The following NDFIP2 variants were observed in gnomAD, a reference collection of about 807,000 sequenced individuals.
The protein encoded by NDFIP2 is NEDD4 family-interacting protein 2.
In NDFIP2, 19 loss-of-function variants were observed where a neutral mutation model predicts 36.0. The observed-to-expected ratio is 0.53, with a 90% CI of 0.37 to 0.77. The LOEUF is 0.77. Among genes scored for constraint, NDFIP2 ranks in the 30% least tolerant of loss-of-function variants. The pLI is 0.00. For missense variants in NDFIP2, 446 were observed against 435.8 expected, an observed-to-expected ratio of 1.02 and a Z score of -0.21; for synonymous variants, 181 against 167.7, an observed-to-expected ratio of 1.08 and a Z score of -0.61.
chr13:79,500,475 A>G (rs1335484054), intron 1 of NDFIP2, among the ~76,000 whole-genome samples: 1 of 152,046 alleles, frequency 6.6e-6, no homozygotes. Context: ...CAAAATATAC[A>G]AAGAATTCTC....
chr13:79,521,288 A>G (rs1279683431), intron 2 of NDFIP2, among the ~76,000 whole-genome samples: 9 of 152,166 alleles, frequency 5.9e-5, no homozygotes, highest in African/African-American at 2.2e-4. Flanking sequence ...ATTACTGAAT[A>G]CAAGGCAATA....
At chr13:79,531,727 AC>A (rs1223955940) in intron 2 of NDFIP2, among the ~76,000 whole-genome samples, 1 of 152,190 alleles carries the variant, frequency 6.6e-6, no homozygotes, top group African/African-American at 2.4e-5. Context: ...GAGAGTCAGC[AC>A]CTTGCTCTGA....
intron 1 of NDFIP2, among the ~76,000 whole-genome samples, chr13:79,488,783 G>A (rs1035662115): frequency 1.1e-4 from 17 of 152,126 alleles, no homozygotes; most frequent in African/African-American, 3.9e-4. Flanking sequence ...AGATAGATAA[G>A]TAAGCCTAAT....
intron 5 of NDFIP2, among the ~76,000 whole-genome samples, chr13:79,546,919 A>AT (rs1875703273): frequency 6.6e-6 from 1 of 152,150 alleles, no homozygotes; most frequent in African/African-American, 2.4e-5. Flanking sequence ...ACCATCCTGT[A>AT]TAAGCTGTAT....
chr13:79,555,788 C>T lies in NDFIP2; in HGVS notation c.*3275C>T, dbSNP rs952860297. On this transcript the variant is annotated 3_prime_UTR_variant, in exon 8 of 8. Coordinates refer to ENST00000218652, the MANE Select transcript of NDFIP2 (RefSeq NM_019080.3). ...TCATTATCATAGGAATGTCCTTGCC[C>T]ATATATAAAACATGCTGGCATGTAT... 2.0e-5 allele frequency: 3 copies of T among 151,928 alleles called. No homozygotes were observed. The highest frequency in any genetic ancestry group is 7.3e-5 in the African/African-American group (3 of 41,370). The allele number at this position is 151,928 out of a possible 1,614,324, so 9.4% of individuals were successfully genotyped here. A position where few individuals can be genotyped will look rare whatever the true frequency, so the allele number is the denominator to read the frequency against.
At chr13:79,528,450 A>G (rs1874884457) in intron 2 of NDFIP2, among the ~76,000 whole-genome samples, 2 of 152,126 alleles carry the variant, frequency 1.3e-5, no homozygotes, top group South Asian at 4.1e-4. Flanking sequence ...GAAGGAAGAA[A>G]AATATTTTAA....
Position 79,481,201 on chromosome 13 carries a change from C to G in NDFIP2, c.-3C>G, listed in dbSNP as rs1208780740. Reference sequence around the variant, plus strand: ...CAGCTATACCCTCCCACTGGCGGCGCGGATGGCACGCCGGCGGAGCCAGCG... The same window carrying G: ...CAGCTATACCCTCCCACTGGCGGCGGGGATGGCACGCCGGCGGAGCCAGCG... On this transcript the variant is annotated 5_prime_UTR_variant, in exon 1 of 8. Coordinates refer to ENST00000218652, the MANE Select transcript of NDFIP2 (RefSeq NM_019080.3). The G allele has an allele frequency of 6.7e-7, 1 of 1,503,040 alleles. No individual in the cohort carries two copies. Among genetic ancestry groups the G allele is most frequent in the African/African-American group, 1.4e-5 (1 of 70,714 alleles). The allele number at this position is 1,503,040 out of a possible 1,614,324, so 93.1% of individuals were successfully genotyped here.
chr13:79,549,764 A>G (rs1235751313), intron 6 of NDFIP2, among the ~76,000 whole-genome samples: 1 of 151,882 alleles, frequency 6.6e-6, no homozygotes, highest in Non-Finnish European at 1.5e-5. Flanking sequence ...TTTTTCAATA[A>G]TATTTTTACA....
chr13:79,520,923 C>G lies in NDFIP2; in HGVS notation c.435C>G (p.Asp145Glu). 2 of 1,613,728 alleles carry G rather than the reference C, an allele frequency of 1.2e-6. No individual in the cohort carries two copies. The highest frequency in any genetic ancestry group is 8.5e-7 in the Non-Finnish European group (1 of 1,179,742). Residue 145 changes from aspartate to glutamate, a missense_variant, in exon 2 of 8, where the codon GAC becomes GAG. Coordinates refer to ENST00000218652, the MANE Select transcript of NDFIP2 (RefSeq NM_019080.3). ...CTTCAGCACCAGCACTTGAAACTGA[C>G]TCTTCCCCTCCACCATATAGTAGTA... ...AASSAPALET[D>E]SSPPPYSSIT... is the part of the protein sequence containing the mutation.
At chr13:79,537,013 G>C (rs1045862528) in intron 3 of NDFIP2, among the ~76,000 whole-genome samples, 3 of 151,860 alleles carry the variant, frequency 2.0e-5, no homozygotes, top group Non-Finnish European at 4.4e-5. Context: ...TTGTGCCACT[G>C]CACTCCAGCC....
rs1295048001 is a variant in NDFIP2 at position 79,505,628 on chromosome 13, TA to T, written c.322-15168del. Among the ~76,000 whole-genome samples the T allele has an allele frequency of 2.9e-3, 388 of 135,908 alleles. 1 individual carries two copies. Among genetic ancestry groups the T allele is most frequent in the Non-Finnish European group, 3.8e-3 (234 of 62,300 alleles). 89.2% of individuals were successfully genotyped at this position (135,908 alleles called of 152,430 possible). On this transcript the variant is annotated intron_variant, in intron 1 of 7. Transcript: ENST00000218652. ...TGGGCAACAGAGAAAGACCTTGCCT[TA>T]AAAAAAAAAAAAACCCAAAAACCAA...
intron 1 of NDFIP2, among the ~76,000 whole-genome samples, chr13:79,493,089 C>G (rs1296834489): frequency 6.6e-6 from 1 of 152,042 alleles, no homozygotes; most frequent in Non-Finnish European, 1.5e-5. Context: ...TATTTCCCCA[C>G]TAGATTGTAA....
chr13:79,481,224 G>C lies in NDFIP2; in HGVS notation c.21G>C (p.Gln7His). 1 of 1,519,058 alleles carries C rather than the reference G, an allele frequency of 6.6e-7. No homozygotes were observed. The highest frequency in any genetic ancestry group is 8.8e-7 in the Non-Finnish European group (1 of 1,139,462). The allele number at this position is 1,519,058 out of a possible 1,614,324, so 94.1% of individuals were successfully genotyped here. A position where few individuals can be genotyped will look rare whatever the true frequency, so the allele number is the denominator to read the frequency against. The change falls in exon 1 of 8, where the codon CAG becomes CAC. Residue 7 changes from glutamine (Q) to histidine (H), a missense_variant. Around this residue, in one of 2 missense-constraint regions of NDFIP2, gnomAD observed 369 missense variants for 304.8 expected, o/e 1.21. Coordinates refer to ENST00000218652, the MANE Select transcript of NDFIP2 (RefSeq NM_019080.3). ...CGCGGATGGCACGCCGGCGGAGCCA[G>C]CGAGTCTGCGCGAGCGGTCCGAGCA... MARRRSQRVCASGPSML... is the reference protein window; with the variant it reads MARRRSHRVCASGPSML...
chr13:79,516,178 C>T (rs1874317823), intron 1 of NDFIP2, among the ~76,000 whole-genome samples: 1 of 152,186 alleles, frequency 6.6e-6, no homozygotes, highest in Non-Finnish European at 1.5e-5. Flanking sequence ...CATCCAAACT[C>T]TGCATGAAAG....
At chr13:79,486,188 C>T (rs1228663652) in intron 1 of NDFIP2, among the ~76,000 whole-genome samples, 1 of 152,110 alleles carries the variant, frequency 6.6e-6, no homozygotes, top group East Asian at 1.9e-4. Context: ...CACTTCTGGT[C>T]CCAAGCATTT....
chr13:79,490,877 AG>A (rs1873199240), intron 1 of NDFIP2, among the ~76,000 whole-genome samples: 1 of 152,184 alleles, frequency 6.6e-6, no homozygotes, highest in Non-Finnish European at 1.5e-5. Flanking sequence ...GATGGATATG[AG>A]TGGATAGTAG....
intron 2 of NDFIP2, among the ~76,000 whole-genome samples, chr13:79,530,631 A>G (rs1400965276): frequency 1.3e-5 from 2 of 152,164 alleles, no homozygotes; most frequent in African/African-American, 2.4e-5. Flanking sequence ...TGTCATTTCA[A>G]CGATGTTCAC....
chr13:79,521,347 A>G (rs1874574630), intron 2 of NDFIP2, among the ~76,000 whole-genome samples: 1 of 152,122 alleles, frequency 6.6e-6, no homozygotes, highest in African/African-American at 2.4e-5. Context: ...TAAAGAACTA[A>G]TCTATTTTTC....
At chr13:79,518,369 A>G (rs1042260512) in intron 1 of NDFIP2, among the ~76,000 whole-genome samples, 1 of 152,054 alleles carries the variant, frequency 6.6e-6, no homozygotes, top group African/African-American at 2.4e-5. Flanking sequence ...AACTTCATAA[A>G]TGATTTTAGG....
Sources: allele counts gnomAD v4.1 joint callset (sites outside exome capture counted in the v4.1 genomes callset), GRCh38; gene constraint gnomAD v4.1.1; regional missense constraint gnomAD v4.1.1; transcripts MANE v1.5; gene names NCBI Gene and HGNC (gene_info 2026-07-23, HGNC 2026-07-21).